KIRREL3: variants seen among roughly 807,000 people sequenced by gnomAD.
The protein encoded by KIRREL3 is kin of IRRE-like protein 3.
KIRREL3 carries 36 observed loss-of-function variants against 89.7 expected under a neutral mutation model. The ratio of observed to expected loss-of-function variants is 0.40; its 90% CI spans 0.31 to 0.53. The LOEUF (loss-of-function observed/expected upper bound fraction) is 0.53. Ranked by LOEUF, KIRREL3 falls within the 20% of genes least tolerant of loss-of-function variation. The pLI, the probability that KIRREL3 is intolerant of heterozygous loss-of-function variation, is 0.49. For missense variants in KIRREL3, 864 were observed against 1,056.6 expected, an observed-to-expected ratio of 0.82 and a Z score of 2.53; for synonymous variants, 445 against 441.4, an observed-to-expected ratio of 1.01 and a Z score of -0.10.
chr11:126,856,924 T>C (rs1944539306), intron 1 of KIRREL3, among the ~76,000 whole-genome samples: 1 of 152,140 alleles, frequency 6.6e-6, no homozygotes, highest in African/African-American at 2.4e-5. Context: ...ATGGTGAGCA[T>C]GCCAGGGATA....
rs1592270802 is a variant in KIRREL3 at position 126,879,402 on chromosome 11, C to T, written c.55+121053G>A. ...ACTCTTTCTTTTTTGTGGCAGCCAG[C>T]TGTACCGGAGAAGCAGCTGATGAGG... is the stretch of plus-strand genomic sequence containing the variant. On this transcript the variant is annotated intron_variant, in intron 1 of 16. Coordinates refer to ENST00000525144, the MANE Select transcript of KIRREL3 (RefSeq NM_032531.4). This position sits in a 1 kb window ranked among gnomAD's most constrained non-coding sequence, Gnocchi z 5.4. 2.6e-5 allele frequency among the ~76,000 whole-genome samples: 4 copies of T among 152,300 alleles called. No homozygotes were observed. Among genetic ancestry groups the T allele is most frequent in the Admixed American group, 2.6e-4 (4 of 15,290 alleles).
In KIRREL3 at chr11:126,755,615, C is replaced by T. The variant is rs1452481336; in HGVS notation, c.56-192703G>A. ...ACAATAGGAAAGGTCTGCGTGCTGA[C>T]ACTCTCAACTTCCCTGAGTGCCTGT... is the stretch of plus-strand genomic sequence containing the variant. On this transcript the variant is annotated intron_variant, in intron 1 of 16. Coordinates refer to ENST00000525144, the MANE Select transcript of KIRREL3 (RefSeq NM_032531.4). This position sits in a 1 kb window ranked among gnomAD's most constrained non-coding sequence, Gnocchi z 4.3. 6.6e-6 allele frequency among the ~76,000 whole-genome samples: 1 copy of T among 152,202 alleles called. No homozygotes were observed. Among genetic ancestry groups the T allele is most frequent in the East Asian group, 1.9e-4 (1 of 5,202 alleles).
rs1394471319 is a variant in KIRREL3 at position 126,752,641 on chromosome 11, C to A, written c.56-189729G>T. On this transcript the variant is annotated intron_variant, in intron 1 of 16. Coordinates refer to ENST00000525144, the MANE Select transcript of KIRREL3 (RefSeq NM_032531.4). The surrounding 1 kb of genome is among the most constrained non-coding windows in gnomAD (Gnocchi z 4.8). ...CTAATGACTACTATTCCCCCCCCAC[C>A]CACTGCCTCCCAAGATTCACATGTG... Among the ~76,000 whole-genome samples, 4 of 152,120 alleles carry A rather than the reference C, an allele frequency of 2.6e-5. No individual in the cohort carries two copies. Among genetic ancestry groups the A allele is most frequent in the African/African-American group, 9.7e-5 (4 of 41,418 alleles).
Position 126,553,614 on chromosome 11 carries a change from C to T in KIRREL3, c.133+9221G>A, listed in dbSNP as rs1017809280. On this transcript the variant is annotated intron_variant, in intron 2 of 16. Transcript: ENST00000525144. The surrounding 1 kb of genome is among the most constrained non-coding windows in gnomAD (Gnocchi z 4.7). ...TCAAGGGAGCAGCTGGGGCTATCTG[C>T]GTGTCGATTCCCGTCACCTTCTGAA... 2.6e-4 allele frequency among the ~76,000 whole-genome samples: 39 copies of T among 152,334 alleles called. No individual in the cohort carries two copies. Among genetic ancestry groups the T allele is most frequent in the Middle Eastern group, 3.4e-3 (1 of 294 alleles).
At position 126,814,128 on chromosome 11, in the gene KIRREL3, C is replaced by G. The variant is rs1858793938; in HGVS notation, c.55+186327G>C. Among the ~76,000 whole-genome samples the G allele has an allele frequency of 6.6e-6, 1 of 152,066 alleles. No homozygotes were observed. The highest frequency in any genetic ancestry group is 6.5e-5 in the Admixed American group (1 of 15,270). ...CAGACACTTCTCAAAAGAAGACATA[C>G]ATGTGGCCAACAAATATATGAAAAA... On this transcript the variant is annotated intron_variant, in intron 1 of 16. Coordinates refer to ENST00000525144, the MANE Select transcript of KIRREL3 (RefSeq NM_032531.4). This position sits in a 1 kb window ranked among gnomAD's most constrained non-coding sequence, Gnocchi z 4.4.
intron 2 of KIRREL3, among the ~76,000 whole-genome samples, chr11:126,554,516 A>G (rs1025704961): frequency 9.9e-5 from 15 of 152,068 alleles, no homozygotes; most frequent in African/African-American, 3.6e-4. Flanking sequence ...GTGACTGCCA[A>G]TGTTTCTTTT....
rs146005895 is a variant in KIRREL3 at position 126,631,361 on chromosome 11, C to T, written c.56-68449G>A. 1.9e-4 allele frequency among the ~76,000 whole-genome samples: 29 copies of T among 152,324 alleles called. No homozygotes were observed. In the East Asian group the frequency reaches 2.9e-3, roughly 15 times the overall value. On this transcript the variant is annotated intron_variant, in intron 1 of 16. Coordinates refer to ENST00000525144, the MANE Select transcript of KIRREL3 (RefSeq NM_032531.4). ...GTCGGAGCCAGAGTTTGAAGCAGAA[C>T]GTATGGCATTCGCACTGGAATTCTC...
chr11:126,731,340 T>C (rs1399832894), intron 1 of KIRREL3, among the ~76,000 whole-genome samples: 1 of 152,172 alleles, frequency 6.6e-6, no homozygotes, highest in Admixed American at 6.5e-5. Flanking sequence ...AATGACCCTA[T>C]CCCAGGGTCC....
At chr11:126,473,774 G>A (rs1956993723) in intron 4 of KIRREL3, among the ~76,000 whole-genome samples, 2 of 152,208 alleles carry the variant, frequency 1.3e-5, no homozygotes, top group South Asian at 4.2e-4. Flanking sequence ...TGTGGCCCAG[G>A]CGATGTCTGT....
At chr11:126,865,336 T>A (rs1374236133) in intron 1 of KIRREL3, among the ~76,000 whole-genome samples, 1 of 152,262 alleles carries the variant, frequency 6.6e-6, no homozygotes, top group African/African-American at 2.4e-5. Flanking sequence ...CTCAGTCTGA[T>A]GTGCAAGAGG....
intron 1 of KIRREL3, among the ~76,000 whole-genome samples, chr11:126,691,339 T>C (rs1447590952): frequency 6.6e-6 from 1 of 152,210 alleles, no homozygotes; most frequent in Non-Finnish European, 1.5e-5. Context: ...ATGAGAACGG[T>C]CATTTCAGCA....
rs7128026 is a variant in KIRREL3, at chr11:126,705,542, A to C, written c.56-142630T>G. Among the ~76,000 whole-genome samples, 9,451 of 152,242 alleles carry C rather than the reference A, an allele frequency of 0.062. 778 individuals carry two copies. The highest frequency in any genetic ancestry group is 0.19 in the African/African-American group (8,038 of 41,496). ...TCACCAGAAGCTGAGAAGATACTGGAACCGTGCTTCCTGTACAGCCTGCAG... is the reference window on the plus strand; with the variant it reads ...TCACCAGAAGCTGAGAAGATACTGGCACCGTGCTTCCTGTACAGCCTGCAG... On this transcript the variant is annotated intron_variant, in intron 1 of 16. Coordinates refer to ENST00000525144, the MANE Select transcript of KIRREL3 (RefSeq NM_032531.4). The surrounding 1 kb of genome is among the most constrained non-coding windows in gnomAD (Gnocchi z 4.3).
chr11:126,709,526 A>T lies in KIRREL3; in HGVS notation c.56-146614T>A, dbSNP rs1399150613. ...CCCCAATACTTCAGAATGTGTCTAT[A>T]TTTGGAGATAGGGTCTTTAAAAAGG... is the stretch of plus-strand genomic sequence containing the variant. On this transcript the variant is annotated intron_variant, in intron 1 of 16. Transcript: ENST00000525144. The surrounding 1 kb of genome is among the most constrained non-coding windows in gnomAD (Gnocchi z 4.0). Among the ~76,000 whole-genome samples the T allele has an allele frequency of 1.3e-5, 2 of 152,184 alleles. No individual in the cohort carries two copies. The highest frequency in any genetic ancestry group is 4.8e-5 in the African/African-American group (2 of 41,442).
chr11:126,824,416 C>T (rs1157646230), intron 1 of KIRREL3, among the ~76,000 whole-genome samples: 3 of 152,182 alleles, frequency 2.0e-5, no homozygotes, highest in African/African-American at 4.8e-5. Context: ...GTTATAAGGA[C>T]GCTCAAGTTC....
At chr11:126,735,229 CAT>C (rs1463006096) in intron 1 of KIRREL3, among the ~76,000 whole-genome samples, 1 of 152,190 alleles carries the variant, frequency 6.6e-6, no homozygotes, top group Non-Finnish European at 1.5e-5. Context: ...AGATAAAACC[CAT>C]GACAGAAACT....
rs1945675654 is a variant in KIRREL3, at chr11:126,666,602, CA to C, written c.56-103691del. ...TTACATGGCACAAGGAAAACAATATCAATGATTTGTGCTGCCTGCTTGTCGA... is the reference window on the plus strand; with the variant it reads ...TTACATGGCACAAGGAAAACAATATCATGATTTGTGCTGCCTGCTTGTCGA... On this transcript the variant is annotated intron_variant, in intron 1 of 16. Coordinates refer to ENST00000525144, the MANE Select transcript of KIRREL3 (RefSeq NM_032531.4). This position sits in a 1 kb window ranked among gnomAD's most constrained non-coding sequence, Gnocchi z 4.2. Among the ~76,000 whole-genome samples, 2 of 152,156 alleles carry C rather than the reference CA, an allele frequency of 1.3e-5. No homozygotes were observed. Among genetic ancestry groups the C allele is most frequent in the African/African-American group, 4.8e-5 (2 of 41,430 alleles).
Position 126,443,410 on chromosome 11 carries a change from G to T in KIRREL3, c.1252+1569C>A, listed in dbSNP as rs1349280275. On this transcript the variant is annotated intron_variant, in intron 10 of 16. Transcript: ENST00000525144. This position sits in a 1 kb window ranked among gnomAD's most constrained non-coding sequence, Gnocchi z 7.3. Reference sequence around the variant, plus strand: ...TGTTGCCATGGATATACGGAGGCGCGATCAGATGCTGTTATTTTTAGCCCT... The same window carrying T: ...TGTTGCCATGGATATACGGAGGCGCTATCAGATGCTGTTATTTTTAGCCCT... 1.3e-5 allele frequency among the ~76,000 whole-genome samples: 2 copies of T among 152,206 alleles called. No homozygotes were observed. The highest frequency in any genetic ancestry group is 2.9e-5 in the Non-Finnish European group (2 of 68,036).
rs534421972 is a variant in KIRREL3, at chr11:126,719,787, C to G, written c.56-156875G>C. 6.6e-6 allele frequency among the ~76,000 whole-genome samples: 1 copy of G among 152,200 alleles called. No individual in the cohort carries two copies. Among genetic ancestry groups the G allele is most frequent in the Non-Finnish European group, 1.5e-5 (1 of 68,028 alleles). ...TCTTACAACCTCTGCTGCCCCCACC[C>G]TGGTCCAAGACAGCATCACCTTGCA... On this transcript the variant is annotated intron_variant, in intron 1 of 16. Transcript: ENST00000525144. This position sits in a 1 kb window ranked among gnomAD's most constrained non-coding sequence, Gnocchi z 4.7.
At chr11:126,885,866 A>C (rs1311587835) in intron 1 of KIRREL3, among the ~76,000 whole-genome samples, 1 of 152,238 alleles carries the variant, frequency 6.6e-6, no homozygotes, top group Non-Finnish European at 1.5e-5. Flanking sequence ...CATCTAAAAA[A>C]GTGTGAGGCT....
Sources: gnomAD v4.1 joint callset for allele counts (sites outside exome capture counted in the v4.1 genomes callset) on GRCh38, gnomAD v4.1.1 for gene constraint, Gnocchi (gnomAD v3.1) non-coding constraint, MANE v1.5 for transcripts, NCBI Gene and HGNC (gene_info 2026-07-23, HGNC 2026-07-21) for gene names.